The following SHROOM4 variants were observed in gnomAD, a reference collection of about 807,000 sequenced individuals.
The protein encoded by SHROOM4 is protein Shroom4.
A neutral mutation model predicts 80.3 loss-of-function variants in SHROOM4; 17 were observed. The ratio of observed to expected loss-of-function variants is 0.21; its 90% CI spans 0.14 to 0.32. SHROOM4 has a LOEUF of 0.32. Ranked by LOEUF, SHROOM4 falls within the 10% of genes least tolerant of loss-of-function variation. The pLI is 1.00. For synonymous variants in SHROOM4, 400 were observed against 437.5 expected (o/e 0.91, Z 1.07); for missense variants, 993 against 1,140.3 (o/e 0.87, Z 1.86).
At chrX:50,805,770 T>C (rs1220292483) in intron 1 of SHROOM4, among the ~76,000 whole-genome samples, 3 of 111,840 alleles carry the variant, frequency 2.7e-5, no homozygotes, top group East Asian at 2.8e-4. Flanking sequence ...GCCATGATTA[T>C]TCAGCAAGTT....
At chrX:50,756,371 A>G (rs781820438) in intron 1 of SHROOM4, among the ~76,000 whole-genome samples, 4 of 112,090 alleles carry the variant, frequency 3.6e-5, no homozygotes, top group Admixed American at 9.5e-5. Context: ...ATTATACCAC[A>G]TATTATTTAT....
chrX:50,655,079 T>C (rs1569547124), intron 2 of SHROOM4, among the ~76,000 whole-genome samples: 1 of 108,633 alleles, frequency 9.2e-6, no homozygotes, highest in Non-Finnish European at 1.9e-5. Flanking sequence ...CTTAGGACAA[T>C]GACCTCCAGC....
chrX:50,700,306 C>A (rs1933484128), intron 1 of SHROOM4, among the ~76,000 whole-genome samples: 1 of 112,197 alleles, frequency 8.9e-6, no homozygotes, highest in African/African-American at 3.2e-5. Flanking sequence ...TTCCGAATAT[C>A]TTTTTAGCAT....
At chrX:50,799,856 G>A (rs141791005) in intron 1 of SHROOM4, among the ~76,000 whole-genome samples, 1 of 111,796 alleles carries the variant, frequency 8.9e-6, no homozygotes, top group African/African-American at 3.2e-5. Flanking sequence ...TCACAGCAAC[G>A]CGTCCCAACA....
intron 2 of SHROOM4, among the ~76,000 whole-genome samples, chrX:50,661,357 C>T (rs987452837): frequency 9.0e-6 from 1 of 110,935 alleles, no homozygotes; most frequent in African/African-American, 3.3e-5. Flanking sequence ...AACACCACGC[C>T]TGGCTAATTT....
intron 1 of SHROOM4, among the ~76,000 whole-genome samples, chrX:50,720,478 C>A (rs1481731180): frequency 1.8e-5 from 2 of 112,328 alleles, no homozygotes; most frequent in Non-Finnish European, 3.8e-5. Context: ...TACAATATTG[C>A]CCAAGTACCT....
Position 50,594,334 on chromosome X carries a change from C to T in SHROOM4, c.*2361G>A, listed in dbSNP as rs1929005216. On this transcript the variant is annotated 3_prime_UTR_variant, in exon 9 of 9. Transcript: ENST00000376020. ...CTACCAAGCTTCACTGCTAGATATACTTTTGGGGTTATTTTTTAAATGCTT... is the reference window on the plus strand; with the variant it reads ...CTACCAAGCTTCACTGCTAGATATATTTTTGGGGTTATTTTTTAAATGCTT... 8.9e-6 allele frequency: 1 copy of T among 112,472 alleles called. No homozygotes were observed. The highest frequency in any genetic ancestry group is 1.9e-5 in the Non-Finnish European group (1 of 53,286). 9.3% of individuals were successfully genotyped at this position (112,472 alleles called of 1,213,427 possible). A position where few individuals can be genotyped will look rare whatever the true frequency, so the allele number is the denominator to read the frequency against.
At chrX:50,743,171 A>AT (rs1934703327) in intron 1 of SHROOM4, among the ~76,000 whole-genome samples, 1 of 105,571 alleles carries the variant, frequency 9.5e-6, no homozygotes, top group Admixed American at 1.1e-4. Flanking sequence ...GCACTACGAG[A>AT]TTCTCCAGAC....
intron 1 of SHROOM4, among the ~76,000 whole-genome samples, chrX:50,756,957 G>A (rs782193204): frequency 9.0e-6 from 1 of 111,659 alleles, no homozygotes; most frequent in South Asian, 3.7e-4. Flanking sequence ...TTTCTGGATG[G>A]TATCTTTAAA....
intron 2 of SHROOM4, among the ~76,000 whole-genome samples, chrX:50,652,711 C>T (rs1375711310): frequency 8.9e-6 from 1 of 112,117 alleles, no homozygotes; most frequent in Non-Finnish European, 1.9e-5. Flanking sequence ...TTAGGTCTAA[C>T]ATTTAAGTCT....
At chrX:50,652,804 T>C (rs1475608257) in intron 2 of SHROOM4, among the ~76,000 whole-genome samples, 4 of 112,039 alleles carry the variant, frequency 3.6e-5, no homozygotes, top group African/African-American at 1.3e-4. Flanking sequence ...GTTTTCCCAA[T>C]ACCATTTATT....
intron 1 of SHROOM4, among the ~76,000 whole-genome samples, chrX:50,760,362 T>C (rs1453402937): frequency 9.6e-6 from 1 of 103,773 alleles, no homozygotes; most frequent in Non-Finnish European, 2.0e-5. Flanking sequence ...GAGACAGGTC[T>C]CTGTCACCCA....
downstream of SHROOM4, among the ~76,000 whole-genome samples, chrX:50,586,402 A>G (rs1415494776): frequency 8.9e-6 from 1 of 111,994 alleles, no homozygotes; most frequent in African/African-American, 3.2e-5. Context: ...TCCATTAATT[A>G]TCCTTTTCAG....
intron 7 of SHROOM4, among the ~76,000 whole-genome samples, chrX:50,600,885 C>T (rs1275650296): frequency 8.9e-6 from 1 of 111,932 alleles, no homozygotes; most frequent in Non-Finnish European, 1.9e-5. Flanking sequence ...ATATTCCCAC[C>T]ATCTGCTCTC....
chrX:50,582,648 T>C (rs1557244366), downstream of SHROOM4, among the ~76,000 whole-genome samples: 1 of 112,127 alleles, frequency 8.9e-6, no homozygotes. Context: ...TCATAAGATG[T>C]GAAAAATTCC....
chrX:50,736,139 G>A (rs1415608307), intron 1 of SHROOM4, among the ~76,000 whole-genome samples: 1 of 110,594 alleles, frequency 9.0e-6, no homozygotes, highest in African/African-American at 3.3e-5. Flanking sequence ...CATTAGTGAA[G>A]ATATGGATAA....
intron 1 of SHROOM4, among the ~76,000 whole-genome samples, chrX:50,804,204 C>T (rs373215744): frequency 5.4e-5 from 6 of 111,584 alleles, no homozygotes; most frequent in African/African-American, 2.0e-4. Flanking sequence ...TACTGGACAA[C>T]AGCGCAGGTT....
chrX:50,752,120 CAATATTATAGGG>C (rs1407740545), intron 1 of SHROOM4, among the ~76,000 whole-genome samples: 8 of 111,659 alleles, frequency 7.2e-5, no homozygotes, highest in Non-Finnish European at 1.5e-4. Context: ...TTTTTGTGCC[CAATATTATAGGG>C]ATTCCCTGTC....
chrX:50,706,376 A>G (rs1472640912), intron 1 of SHROOM4, among the ~76,000 whole-genome samples: 2 of 112,247 alleles, frequency 1.8e-5, no homozygotes, highest in Non-Finnish European at 3.8e-5. Context: ...GAGATAGTCA[A>G]TGCCTTTATA....
Sources: gnomAD v4.1 joint callset for allele counts (sites outside exome capture counted in the v4.1 genomes callset) on GRCh38, gnomAD v4.1.1 for gene constraint, MANE v1.5 for transcripts, NCBI Gene and HGNC (gene_info 2026-07-23, HGNC 2026-07-21) for gene names.